PRKCSH: variants seen among roughly 807,000 people sequenced by gnomAD.
PRKCSH encodes the protein glucosidase 2 subunit beta.
In PRKCSH, 42 loss-of-function variants were observed where a neutral mutation model predicts 79.7. The observed-to-expected ratio is 0.53, with a 90% confidence interval of 0.41 to 0.68. The LOEUF (loss-of-function observed/expected upper bound fraction) is 0.68, where lower values mean the gene tolerates loss of function less well. Ranked by LOEUF, PRKCSH falls within the 30% of genes least tolerant of loss-of-function variation. The probability of loss-of-function intolerance (pLI) is 0.00; values close to 1 mark genes in which losing one functional copy is unlikely to be tolerated. For missense variants in PRKCSH, 686 were observed against 709.0 expected (o/e 0.97, Z 0.37); for synonymous variants, 325 against 288.2 (o/e 1.13, Z -1.29).
rs148975956 is a variant in PRKCSH, at chr19:11,448,613, G to A, written c.1270G>A (p.Glu424Lys). The change falls in exon 14 of 18, where the codon GAG (glutamate) becomes AAG (lysine). Residue 424 changes from glutamate to lysine, a missense_variant. By Grantham distance (56) the Glu-to-Lys change is moderately conservative. Coordinates refer to ENST00000677123, the MANE Select transcript of PRKCSH (RefSeq NM_001289104.2). The surrounding 1 kb of genome is among the most constrained non-coding windows in gnomAD (Gnocchi z 4.4). ...TGCTTACCTGTACAGCCAGTGCTAC[G>A]AGCTCACCACCAACGAGTGCGTCCC... ...EFAYLYSQCY[E>K]LTTNEYVYRL... The A allele has an allele frequency of 1.2e-4, 188 of 1,614,136 alleles. No individual in the cohort carries two copies. Among genetic ancestry groups the A allele is most frequent in the East Asian group, 7.6e-4 (34 of 44,890 alleles).
In PRKCSH at chr19:11,449,583, C is replaced by T; in HGVS notation, c.*16+155C>T. 2 of 1,045,330 alleles carry T rather than the reference C, an allele frequency of 1.9e-6. No homozygotes were observed. The highest frequency in any genetic ancestry group is 2.8e-6 in the Non-Finnish European group (2 of 723,998). The allele number at this position is 1,045,330 out of a possible 1,614,324, so 64.8% of individuals were successfully genotyped here. The stretch of plus-strand genomic sequence containing the variant: ...TTTGAGGTGGAGTCTCACTCTTTGG[C>T]CCAGGCTGGAGTGCAGTGATGCGAC... On this transcript the variant is annotated intron_variant, in intron 17 of 17. Coordinates refer to ENST00000677123, the MANE Select transcript of PRKCSH (RefSeq NM_001289104.2). The surrounding 1 kb of genome is among the most constrained non-coding windows in gnomAD (Gnocchi z 6.4).
In PRKCSH at chr19:11,448,001, C is replaced by T; in HGVS notation, c.1126+212C>T. ...CCTTCTGCCTCCCCAAGGGCCGCAG[C>T]TTGTTTGTGTCACTCCTGGCCCCAC... is the stretch of plus-strand genomic sequence containing the variant. On this transcript the variant is annotated intron_variant, in intron 12 of 17. Coordinates refer to ENST00000677123, the MANE Select transcript of PRKCSH (RefSeq NM_001289104.2). This position sits in a 1 kb window ranked among gnomAD's most constrained non-coding sequence, Gnocchi z 4.4. The T allele has an allele frequency of 1.3e-6, 1 of 754,640 alleles. No homozygotes were observed. Among genetic ancestry groups the T allele is most frequent in the Non-Finnish European group, 2.1e-6 (1 of 466,682 alleles). The allele number at this position is 754,640 out of a possible 1,614,324, so 46.7% of individuals were successfully genotyped here.
Position 11,448,133 on chromosome 19 carries a change from T to C in PRKCSH, c.1127-89T>C, listed in dbSNP as rs529796708. ...CCTTGGCCAGAGCAAAATGAGGGTA[T>C]GGGAGCACACAGCCACATCCATGGA... On this transcript the variant is annotated intron_variant, in intron 12 of 17. Coordinates refer to ENST00000677123, the MANE Select transcript of PRKCSH (RefSeq NM_001289104.2). The surrounding 1 kb of genome is among the most constrained non-coding windows in gnomAD (Gnocchi z 4.4). The C allele has an allele frequency of 3.4e-5, 46 of 1,347,438 alleles. No homozygotes were observed. In the South Asian group the frequency reaches 5.0e-4, roughly 15 times the overall value. 83.5% of individuals were successfully genotyped at this position (1,347,438 alleles called of 1,614,324 possible).
intron 8 of PRKCSH, 161 bp downstream of exon 8, chr19:11,445,634 T>C: frequency 1.4e-6 from 1 of 737,476 alleles, no homozygotes; most frequent in South Asian, 1.5e-5. Flanking sequence ...TACTCGTGGA[T>C]GGCCAGGTCC....
In PRKCSH at chr19:11,436,061, C is replaced by T. The variant is rs1287858092; in HGVS notation, c.-57C>T. 6 of 1,589,162 alleles carry T rather than the reference C, an allele frequency of 3.8e-6. No homozygotes were observed. The highest frequency in any genetic ancestry group is 1.3e-5 in the African/African-American group (1 of 74,696). Reference sequence around the variant, plus strand: ...TGCAGCGTGAAGACACAGCGCATCTCCCCGCTGTAGGCTTCCTCCCACAGA... The same window carrying T: ...TGCAGCGTGAAGACACAGCGCATCTTCCCGCTGTAGGCTTCCTCCCACAGA... On this transcript the variant is annotated 5_prime_UTR_variant, in exon 2 of 18. Coordinates refer to ENST00000677123, the MANE Select transcript of PRKCSH (RefSeq NM_001289104.2).
intron 5 of PRKCSH, among the ~76,000 whole-genome samples, chr19:11,439,489 TCA>T (rs912699895): frequency 6.6e-6 from 1 of 151,196 alleles, no homozygotes; most frequent in African/African-American, 2.4e-5. Flanking sequence ...GGCATGTGGC[TCA>T]CACCTGTAAT....
chr19:11,446,444 C>G lies in PRKCSH; in HGVS notation c.762+94C>G, dbSNP rs889175067. 2.8e-6 allele frequency: 4 copies of G among 1,428,406 alleles called. No homozygotes were observed. In the African/African-American group the frequency reaches 5.7e-5, roughly 20 times the overall value. 88.5% of individuals were successfully genotyped at this position (1,428,406 alleles called of 1,614,324 possible). A position where few individuals can be genotyped will look rare whatever the true frequency, so the allele number is the denominator to read the frequency against. ...GAGGGGGACCAAGGAAAGCTCCTTG[C>G]TGGCCTGGGATGCCTCCTCTGGGTG... is the stretch of plus-strand genomic sequence containing the variant. On this transcript the variant is annotated intron_variant, in intron 9 of 17. Coordinates refer to ENST00000677123, the MANE Select transcript of PRKCSH (RefSeq NM_001289104.2).
At chr19:11,435,834 A>G (rs142932263) in intron 1 of PRKCSH, 128 bp downstream of exon 1, 257 of 1,286,452 alleles carry the variant, frequency 2.0e-4, no homozygotes, top group Admixed American at 1.4e-3. Flanking sequence ...TTGGGTCACA[A>G]TTGGGCACAG....
rs1012724634 is a variant in PRKCSH at position 11,447,039 on chromosome 19, G to T, written c.763-35G>T. ...GTGGCCGAGATGGGGGACACGTGGTGGCCTAGATCTTGACACCACCCCCAA... is the reference window on the plus strand; with the variant it reads ...GTGGCCGAGATGGGGGACACGTGGTTGCCTAGATCTTGACACCACCCCCAA... On this transcript the variant is annotated intron_variant, in intron 9 of 17. Transcript: ENST00000677123. The surrounding 1 kb of genome is among the most constrained non-coding windows in gnomAD (Gnocchi z 5.6). 6.2e-7 allele frequency: 1 copy of T among 1,604,244 alleles called. No individual in the cohort carries two copies. Among genetic ancestry groups the T allele is most frequent in the Non-Finnish European group, 8.5e-7 (1 of 1,171,232 alleles).
At chr19:11,436,286 C>A (rs759409128) in intron 2 of PRKCSH, 90 bp downstream of exon 2, 3 of 1,586,510 alleles carry the variant, frequency 1.9e-6, no homozygotes, top group Non-Finnish European at 2.6e-6. Flanking sequence ...CCTTTTGACT[C>A]AGTTTCCCGG....
chr19:11,443,494 T>C (rs1031214568), intron 7 of PRKCSH, among the ~76,000 whole-genome samples: 2 of 150,302 alleles, frequency 1.3e-5, no homozygotes, highest in Non-Finnish European at 3.0e-5. Context: ...TTCAGTGAGC[T>C]GAGATTGCGC....
At position 11,448,687 on chromosome 19, in the gene PRKCSH, A is replaced by C; in HGVS notation, c.1286+58A>C. ...CAGGGTGGGAGGCGGGTGGCCCCGG[A>C]AGTGGCACCGGCAGTTTCCTGATGG... On this transcript the variant is annotated intron_variant, in intron 14 of 17. Coordinates refer to ENST00000677123, the MANE Select transcript of PRKCSH (RefSeq NM_001289104.2). This position sits in a 1 kb window ranked among gnomAD's most constrained non-coding sequence, Gnocchi z 4.4. The C allele has an allele frequency of 6.6e-7, 1 of 1,519,352 alleles. No individual in the cohort carries two copies. Among genetic ancestry groups the C allele is most frequent in the Non-Finnish European group, 9.1e-7 (1 of 1,094,716 alleles). The allele number at this position is 1,519,352 out of a possible 1,614,324, so 94.1% of individuals were successfully genotyped here.
rs1342691598 is a variant in PRKCSH, at chr19:11,436,401, A to G, written c.92A>G (p.Tyr31Cys). 4 of 1,614,132 alleles carry G rather than the reference A, an allele frequency of 2.5e-6. No individual in the cohort carries two copies. The highest frequency in any genetic ancestry group is 2.2e-5 in the East Asian group (1 of 44,884). ...CTGTACCCCGCAGATCATCACTTCT[A>G]CGATGAGTCCAAGCCTTTCACCTGC... Reference protein sequence around the residue: ...RGVSLTNHHFYDESKPFTCLD... With the variant: ...RGVSLTNHHFCDESKPFTCLD... Residue 31 changes from tyrosine (Y) to cysteine (C), a missense_variant, in exon 3 of 18, where the codon TAC (tyrosine) becomes TGC (cysteine). By Grantham distance (194) the Tyr-to-Cys change is radical. Transcript: ENST00000677123.
Position 11,448,128 on chromosome 19 carries a change from G to C in PRKCSH, c.1127-94G>C. On this transcript the variant is annotated intron_variant, in intron 12 of 17. Transcript: ENST00000677123. The surrounding 1 kb of genome is among the most constrained non-coding windows in gnomAD (Gnocchi z 4.4). ...GAAGTCCTTGGCCAGAGCAAAATGA[G>C]GGTATGGGAGCACACAGCCACATCC... is the stretch of plus-strand genomic sequence containing the variant. 1 of 1,315,058 alleles carries C rather than the reference G, an allele frequency of 7.6e-7. No individual in the cohort carries two copies. The highest frequency in any genetic ancestry group is 1.1e-6 in the Non-Finnish European group (1 of 932,900). The allele number at this position is 1,315,058 out of a possible 1,614,324, so 81.5% of individuals were successfully genotyped here. A position where few individuals can be genotyped will look rare whatever the true frequency, so the allele number is the denominator to read the frequency against.
chr19:11,446,992 G>A (rs1182533205), intron 9 of PRKCSH, 82 bp from the exon 10 acceptor site: 1 of 1,463,226 alleles, frequency 6.8e-7, no homozygotes, highest in Admixed American at 1.7e-5. Flanking sequence ...CCCGTGCCTG[G>A]CACCGCAGCC....
chr19:11,439,343 G>C (rs1969937804), intron 5 of PRKCSH, among the ~76,000 whole-genome samples: 1 of 151,900 alleles, frequency 6.6e-6, no homozygotes. Context: ...GGCTGAGGCA[G>C]GAAGACTGCT....
intron 5 of PRKCSH, among the ~76,000 whole-genome samples, chr19:11,439,227 A>G (rs1969930400): frequency 6.6e-6 from 1 of 152,206 alleles, no homozygotes; most frequent in Middle Eastern, 3.4e-3. Context: ...TGTGAGAGAT[A>G]CGCCTCCCTT....
chr19:11,440,096 ACT>A (rs1228105062), intron 5 of PRKCSH, among the ~76,000 whole-genome samples: 4 of 151,348 alleles, frequency 2.6e-5, no homozygotes, highest in African/African-American at 7.3e-5. Context: ...ATGGTGTAAA[ACT>A]CTCTGGATTC....
rs113164089 is a variant in PRKCSH at position 11,447,333 on chromosome 19, G to A, written c.850-106G>A. On this transcript the variant is annotated intron_variant, in intron 10 of 17. Coordinates refer to ENST00000677123, the MANE Select transcript of PRKCSH (RefSeq NM_001289104.2). This position sits in a 1 kb window ranked among gnomAD's most constrained non-coding sequence, Gnocchi z 5.6. The stretch of plus-strand genomic sequence containing the variant: ...GCTGTCGGTCCTCCCTGCAGGCCCC[G>A]CAGGAGGGGCAGAGACACCGAGGCT... The A allele has an allele frequency of 2.5e-3, 3,366 of 1,370,730 alleles. 76 individuals are homozygous for A. In the African/African-American group the frequency reaches 0.043, roughly 17 times the overall value. 84.9% of individuals were successfully genotyped at this position (1,370,730 alleles called of 1,614,324 possible). A position where few individuals can be genotyped will look rare whatever the true frequency, so the allele number is the denominator to read the frequency against.
Sources: gnomAD v4.1 joint callset for allele counts (sites outside exome capture counted in the v4.1 genomes callset) on GRCh38, gnomAD v4.1.1 for gene constraint, Gnocchi (gnomAD v3.1) non-coding constraint, MANE v1.5 for transcripts, NCBI Gene and HGNC (gene_info 2026-07-23, HGNC 2026-07-21) for gene names.